SVIL: variants seen among roughly 807,000 people sequenced by gnomAD.
SVIL encodes the protein archvillin.
In SVIL, 101 loss-of-function variants were observed where a neutral mutation model predicts 240.4. That is an observed-to-expected ratio of 0.42 (90% CI 0.36 to 0.50). SVIL has a LOEUF of 0.50. Ranked by LOEUF, SVIL falls within the 20% of genes least tolerant of loss-of-function variation. The probability of loss-of-function intolerance (pLI) is 0.01; values close to 1 mark genes in which losing one functional copy is unlikely to be tolerated. For synonymous variants in SVIL, 999 were observed against 1,100.0 expected (o/e 0.91, Z 1.82); for missense variants, 2,512 against 2,818.7 (o/e 0.89, Z 2.46).
In SVIL at chr10:29,729,904, G is replaced by A. The variant is rs538946392; in HGVS notation, c.-400+5847C>T. Reference sequence around the variant, plus strand: ...GAGACAAGACTTAGAAACGTAACATGATGGCTGGGCACTGTTTCTCTCACC... The same window carrying A: ...GAGACAAGACTTAGAAACGTAACATAATGGCTGGGCACTGTTTCTCTCACC... On this transcript the variant is annotated intron_variant, in intron 1 of 35. Coordinates refer to the SVIL transcript ENST00000375400. Among the ~76,000 whole-genome samples the A allele has an allele frequency of 2.6e-4, 38 of 145,496 alleles. No homozygotes were observed. In the South Asian group the frequency reaches 7.9e-3, roughly 30 times the overall value.
chr10:29,506,680 T>TGAGGGAGGGGACAGAGGCCCTAC (rs1949328202), intron 17 of SVIL, among the ~76,000 whole-genome samples: 18 of 50,934 alleles, frequency 3.5e-4, no homozygotes, highest in East Asian at 1.5e-3. Flanking sequence ...AGAGGCCCTA[T>TGAGGGAGGGGACAGAGGCCCTAC]GAGGGAGGGG....
At chr10:29,659,266 C>A (rs1959089444) in intron 2 of SVIL, among the ~76,000 whole-genome samples, 2 of 152,192 alleles carry the variant, frequency 1.3e-5, no homozygotes, top group African/African-American at 4.8e-5. Context: ...CAGAGGAAAG[C>A]CCCTCGTTTA....
intron 1 of SVIL, chr10:29,602,215 A>G (rs779705694): frequency 3.8e-6 from 2 of 525,728 alleles, no homozygotes; most frequent in Non-Finnish European, 7.8e-6. Flanking sequence ...GACTTAGGAG[A>G]AACTTAATGA....
intron 1 of SVIL, among the ~76,000 whole-genome samples, chr10:29,733,654 T>A (rs1194178514): frequency 6.6e-6 from 1 of 152,078 alleles, no homozygotes. Flanking sequence ...GCTAGGCAAA[T>A]TGTCCAAGGC....
At chr10:29,597,005 C>A (rs190451614) in intron 1 of SVIL, among the ~76,000 whole-genome samples, 1 of 152,268 alleles carries the variant, frequency 6.6e-6, no homozygotes, top group East Asian at 1.9e-4. Flanking sequence ...CTCCCGCCCC[C>A]CTACCAGGAA....
intron 29 of SVIL, among the ~76,000 whole-genome samples, chr10:29,476,444 G>T (rs1044674948): frequency 6.6e-6 from 1 of 152,112 alleles, no homozygotes; most frequent in African/African-American, 2.4e-5. Context: ...ACAGGGTCTT[G>T]CTCTGTTGCC....
At position 29,481,720 on chromosome 10, in the gene SVIL, T is replaced by C; in HGVS notation, c.4964A>G (p.Gln1655Arg). 6.2e-7 allele frequency: 1 copy of C among 1,607,716 alleles called. No individual in the cohort carries two copies. Among genetic ancestry groups the C allele is most frequent in the South Asian group, 1.1e-5 (1 of 90,918 alleles). ...ECNPLIPRKG[Q>R]GRPDWAIFGR... ...AAATATCGCCCAGTCGGGCCGCCCC[T>C]GTCCTTTTCTGTAGGGTGGGAGGGG... The change falls in exon 28 of 38, where the codon CAG becomes CGG. Residue 1655 changes from glutamine to arginine, a missense_variant. By Grantham distance (43) the Gln-to-Arg change is conservative. Coordinates refer to ENST00000355867, the MANE Select transcript of SVIL (RefSeq NM_021738.3).
chr10:29,532,620 C>G lies in SVIL; in HGVS notation c.1747G>C (p.Gly583Arg). ...LPSSKTEGPY[G>R]EISMLDTKVS... ...TTTGTGTCCAGCATGCTGATCTCCC[C>G]ATAAGGCCCTTCGGTCTTGGAGCTG... Residue 583 changes from glycine to arginine, a missense_variant, in exon 8 of 38, where the codon GGG becomes CGG. By Grantham distance (125) the Gly-to-Arg change is moderately radical (BLOSUM62 -2). Around this residue, in one of 3 missense-constraint regions of SVIL, gnomAD observed 1,443 missense variants for 1,486.6 expected, o/e 0.97. Coordinates refer to ENST00000355867, the MANE Select transcript of SVIL (RefSeq NM_021738.3). 6.2e-7 allele frequency: 1 copy of G among 1,614,132 alleles called. No individual in the cohort carries two copies. The highest frequency in any genetic ancestry group is 2.2e-5 in the East Asian group (1 of 44,860).
chr10:29,705,791 T>C (rs1962848569), intron 1 of SVIL, among the ~76,000 whole-genome samples: 1 of 152,206 alleles, frequency 6.6e-6, no homozygotes, highest in South Asian at 2.1e-4. Context: ...TCTGGCTTCA[T>C]CCATGTCCCT....
intron 17 of SVIL, among the ~76,000 whole-genome samples, chr10:29,505,009 C>T (rs572757740): frequency 5.9e-5 from 9 of 152,168 alleles, no homozygotes; most frequent in Non-Finnish European, 7.4e-5. Context: ...TATTATTCGA[C>T]GATACAAAGA....
At chr10:29,542,919 G>A (rs1952295670) in intron 6 of SVIL, among the ~76,000 whole-genome samples, 1 of 152,136 alleles carries the variant, frequency 6.6e-6, no homozygotes, top group South Asian at 2.1e-4. Flanking sequence ...CAGCAACCCA[G>A]AAGCCAAACT....
intron 1 of SVIL, among the ~76,000 whole-genome samples, chr10:29,629,783 G>A (rs142365094): frequency 1.1e-4 from 16 of 148,744 alleles, no homozygotes; most frequent in African/African-American, 3.6e-4. Context: ...CTCAAGACCA[G>A]CCTGAGCAAC....
At chr10:29,545,973 C>G (rs775086179) in intron 6 of SVIL, among the ~76,000 whole-genome samples, 1 of 151,838 alleles carries the variant, frequency 6.6e-6, no homozygotes, top group Non-Finnish European at 1.5e-5. Context: ...GAGTGATGGC[C>G]GGATGCTCAG....
Position 29,613,196 on chromosome 10 carries a change from A to G in SVIL, c.-201+21224T>C, listed in dbSNP as rs575389747. On this transcript the variant is annotated intron_variant, in intron 1 of 37. Coordinates refer to ENST00000355867, the MANE Select transcript of SVIL (RefSeq NM_021738.3). ...TCAAAAAAAAAAAAAAAAAAAGAAGAAGGAGGAGGGATGCGGGCCGAATGA... is the reference window on the plus strand; with the variant it reads ...TCAAAAAAAAAAAAAAAAAAAGAAGGAGGAGGAGGGATGCGGGCCGAATGA... Among the ~76,000 whole-genome samples, 220 of 149,948 alleles carry G rather than the reference A, an allele frequency of 1.5e-3. 1 individual carries two copies. The highest frequency in any genetic ancestry group is 2.0e-3 in the Non-Finnish European group (133 of 67,502).
intron 29 of SVIL, among the ~76,000 whole-genome samples, chr10:29,474,209 G>A (rs1945912345): frequency 6.6e-6 from 1 of 152,178 alleles, no homozygotes; most frequent in South Asian, 2.1e-4. Flanking sequence ...CTTCCCACAG[G>A]GAGAAAAGGG....
chr10:29,521,077 G>T (rs35554854), intron 16 of SVIL, among the ~76,000 whole-genome samples: 1 of 151,934 alleles, frequency 6.6e-6, no homozygotes, highest in South Asian at 2.1e-4. Flanking sequence ...CAAAAAATTA[G>T]CTGGGTGTGG....
chr10:29,695,125 A>G (rs958203507), intron 1 of SVIL, among the ~76,000 whole-genome samples: 2 of 152,178 alleles, frequency 1.3e-5, no homozygotes, highest in African/African-American at 4.8e-5. Flanking sequence ...ACAAACTAGG[A>G]ATGAAGATGT....
intron 21 of SVIL, among the ~76,000 whole-genome samples, chr10:29,492,997 T>C (rs1948109342): frequency 6.6e-6 from 1 of 152,190 alleles, no homozygotes; most frequent in Non-Finnish European, 1.5e-5. Context: ...TCTGCCTGCA[T>C]GCACATCTGG....
intron 36 of SVIL, 131 bp downstream of exon 36, chr10:29,462,146 G>T: frequency 8.3e-7 from 1 of 1,206,010 alleles, no homozygotes; most frequent in Non-Finnish European, 1.2e-6. Flanking sequence ...ATGTAGGTTT[G>T]TTAAGATGTT....
Sources: gnomAD v4.1 joint callset for allele counts (sites outside exome capture counted in the v4.1 genomes callset) on GRCh38, gnomAD v4.1.1 for gene constraint, gnomAD v4.1.1 regional missense constraint, MANE v1.5 for transcripts, NCBI Gene and HGNC (gene_info 2026-07-23, HGNC 2026-07-21) for gene names.